Variants in NRCAM observed in about 807,000 individuals in gnomAD.
NRCAM encodes NgCAM-related cell adhesion molecule.
A neutral mutation model predicts 156.5 loss-of-function variants in NRCAM; 83 were observed. The observed-to-expected ratio is 0.53, with a 90% confidence interval of 0.44 to 0.64. The LOEUF is 0.64. Ranked by LOEUF, NRCAM falls within the 30% of genes least tolerant of loss-of-function variation. The pLI is 0.00. For synonymous variants in NRCAM, 538 were observed against 563.9 expected, an observed-to-expected ratio of 0.95 and a Z score of 0.65; for missense variants, 1,417 against 1,597.3, an observed-to-expected ratio of 0.89 and a Z score of 1.92.
chr7:108,263,939 A>G (rs1453423148), intron 3 of NRCAM, among the ~76,000 whole-genome samples: 1 of 152,122 alleles, frequency 6.6e-6, no homozygotes, highest in African/African-American at 2.4e-5. Context: ...TAATATTACT[A>G]CTATGTTTAA....
At chr7:108,352,797 A>G (rs1013806120) in intron 2 of NRCAM, among the ~76,000 whole-genome samples, 14 of 152,186 alleles carry the variant, frequency 9.2e-5, no homozygotes, top group African/African-American at 3.1e-4. Flanking sequence ...CCATAAAGCT[A>G]AGAGTCCTGA....
In NRCAM at chr7:108,337,719, G is replaced by A. The variant is rs1338531406; in HGVS notation, c.-173-24988C>T. 2.0e-5 allele frequency among the ~76,000 whole-genome samples: 3 copies of A among 151,766 alleles called. No individual in the cohort carries two copies. In the East Asian group the frequency reaches 5.8e-4, roughly 29 times the overall value. On this transcript the variant is annotated intron_variant, in intron 2 of 32. Coordinates refer to ENST00000379028, the MANE Select transcript of NRCAM (RefSeq NM_001037132.4). ...AAGAACCCTAGGTCAGAGAACACGA[G>A]GCTTGCCACCATCTTGGAAGCAGCC... is the stretch of plus-strand genomic sequence containing the variant.
chr7:108,341,793 A>G (rs1594280775), intron 2 of NRCAM, among the ~76,000 whole-genome samples: 1 of 152,198 alleles, frequency 6.6e-6, no homozygotes, highest in African/African-American at 2.4e-5. Flanking sequence ...AAACCATTCA[A>G]TAGTCCCTCC....
At chr7:108,361,454 C>T (rs1167791834) in intron 2 of NRCAM, among the ~76,000 whole-genome samples, 1 of 152,170 alleles carries the variant, frequency 6.6e-6, no homozygotes, top group Non-Finnish European at 1.5e-5. Flanking sequence ...CTTCATCAAT[C>T]AACTGAAGGC....
At chr7:108,173,752 C>T (rs1404831254) in intron 28 of NRCAM, among the ~76,000 whole-genome samples, 5 of 152,150 alleles carry the variant, frequency 3.3e-5, no homozygotes, top group Non-Finnish European at 7.4e-5. Context: ...TTCAGACACT[C>T]CATTTTTGCT....
chr7:108,448,414 C>G (rs1323808469), intron 1 of NRCAM, among the ~76,000 whole-genome samples: 1 of 152,164 alleles, frequency 6.6e-6, no homozygotes, highest in Admixed American at 6.5e-5. Context: ...ATGCTACTAA[C>G]ATCAGAAGAA....
chr7:108,431,989 A>G (rs541956840), intron 1 of NRCAM, among the ~76,000 whole-genome samples: 2 of 152,298 alleles, frequency 1.3e-5, no homozygotes, highest in African/African-American at 4.8e-5. Context: ...CAAAGTTTTA[A>G]AGTTATCAGA....
chr7:108,362,781 T>C (rs1371006371), intron 2 of NRCAM, among the ~76,000 whole-genome samples: 1 of 152,018 alleles, frequency 6.6e-6, no homozygotes, highest in Admixed American at 6.5e-5. Flanking sequence ...TAGGAATATT[T>C]ATAGATATGT....
At chr7:108,283,819 T>G (rs1410418515) in intron 3 of NRCAM, among the ~76,000 whole-genome samples, 1 of 152,186 alleles carries the variant, frequency 6.6e-6, no homozygotes, top group Non-Finnish European at 1.5e-5. Flanking sequence ...CCATTCATCC[T>G]GTATATGTCA....
chr7:108,325,994 C>T (rs909466193), intron 2 of NRCAM, among the ~76,000 whole-genome samples: 1 of 152,054 alleles, frequency 6.6e-6, no homozygotes, highest in African/African-American at 2.4e-5. Flanking sequence ...GCTTTATGTA[C>T]TAGTCAATCT....
At chr7:108,223,515 T>C (rs2092831544) in intron 11 of NRCAM, among the ~76,000 whole-genome samples, 1 of 152,214 alleles carries the variant, frequency 6.6e-6, no homozygotes, top group Non-Finnish European at 1.5e-5. Flanking sequence ...TACTGATACT[T>C]ATTTCAATAA....
At chr7:108,246,345 T>C (rs903996924) in intron 3 of NRCAM, among the ~76,000 whole-genome samples, 3 of 152,144 alleles carry the variant, frequency 2.0e-5, no homozygotes, top group African/African-American at 7.2e-5. Context: ...GTAGAGCCTG[T>C]GAGTTGACTT....
chr7:108,328,279 T>C (rs995089162), intron 2 of NRCAM: 3 of 152,224 alleles, frequency 2.0e-5, no homozygotes, highest in African/African-American at 7.2e-5. Context: ...CAAGCTGTTA[T>C]AGATGGAATA....
intron 32 of NRCAM, among the ~76,000 whole-genome samples, chr7:108,158,832 GA>G (rs1563183325): frequency 6.6e-6 from 1 of 152,066 alleles, no homozygotes; most frequent in African/African-American, 2.4e-5. Flanking sequence ...TTTGTTTAAA[GA>G]GAAGATTTTT....
intron 11 of NRCAM, among the ~76,000 whole-genome samples, chr7:108,220,372 A>G (rs962134158): frequency 2.6e-5 from 4 of 152,214 alleles, no homozygotes; most frequent in Non-Finnish European, 5.9e-5. Flanking sequence ...GGAACCAAAG[A>G]AGACCCCACA....
At chr7:108,200,758 ACAC>A (rs2153517283) in intron 13 of NRCAM, among the ~76,000 whole-genome samples, 2 of 137,774 alleles carry the variant, frequency 1.5e-5, no homozygotes, top group East Asian at 3.9e-4. Flanking sequence ...ACACACACAC[ACAC>A]ACACACACAC....
At chr7:108,354,857 G>T (rs188722359) in intron 2 of NRCAM, among the ~76,000 whole-genome samples, 1 of 151,672 alleles carries the variant, frequency 6.6e-6, no homozygotes, top group Admixed American at 6.6e-5. Context: ...TCATGCCACT[G>T]CACTCCAGCC....
chr7:108,419,218 G>C (rs1176549287), intron 1 of NRCAM, among the ~76,000 whole-genome samples: 1 of 152,084 alleles, frequency 6.6e-6, no homozygotes, highest in Non-Finnish European at 1.5e-5. Flanking sequence ...TTCTCATCTG[G>C]CAGTTAATTT....
chr7:108,255,932 A>G (rs1235425466), intron 3 of NRCAM, among the ~76,000 whole-genome samples: 1,312 of 64,510 alleles, frequency 0.02, 1 homozygote, highest in African/African-American at 0.04. Context: ...GCCCCCACCC[A>G]GCCAGCCGCC....
Sources: gnomAD v4.1 joint callset for allele counts (sites outside exome capture counted in the v4.1 genomes callset) on GRCh38, gnomAD v4.1.1 for gene constraint, MANE v1.5 for transcripts, NCBI Gene and HGNC (gene_info 2026-07-23, HGNC 2026-07-21) for gene names.